RGL1: variants seen among roughly 807,000 people sequenced by gnomAD.
RGL1 encodes the protein ral guanine nucleotide dissociation stimulator-like 1.
A neutral mutation model predicts 95.2 loss-of-function variants in RGL1; 24 were observed. That is an observed-to-expected ratio of 0.25 (90% confidence interval 0.18 to 0.35). The LOEUF is 0.35. RGL1 is among the 10% of genes least tolerant of loss of function. The pLI is 1.00. For missense variants in RGL1, 715 were observed against 936.3 expected (o/e 0.76, Z 3.08); for synonymous variants, 329 against 344.9 (o/e 0.95, Z 0.51).
intron 2 of RGL1, among the ~76,000 whole-genome samples, chr1:183,766,087 T>G (rs934086212): frequency 2.1e-4 from 31 of 148,856 alleles, no homozygotes; most frequent in South Asian, 4.2e-4. Context: ...ATAATAATAA[T>G]AAAATTAAAA....
intron 1 of RGL1, among the ~76,000 whole-genome samples, chr1:183,657,364 T>C (rs1196130223): frequency 1.3e-5 from 2 of 152,216 alleles, no homozygotes; most frequent in Non-Finnish European, 2.9e-5. Flanking sequence ...TATGTATACA[T>C]GTGCCATGTT....
At chr1:183,823,038 G>A (rs1662596867) in intron 2 of RGL1, among the ~76,000 whole-genome samples, 1 of 152,098 alleles carries the variant, frequency 6.6e-6, no homozygotes, top group Admixed American at 6.5e-5. Context: ...TTCTCAAAAG[G>A]TAGTAAGTGA....
intron 2 of RGL1, among the ~76,000 whole-genome samples, chr1:183,811,447 A>G (rs901570239): frequency 3.3e-5 from 5 of 152,208 alleles, no homozygotes; most frequent in African/African-American, 9.7e-5. Flanking sequence ...TCATCTAGGA[A>G]AACAGGCCCT....
At chr1:183,776,059 A>G (rs1241768747) in intron 2 of RGL1, among the ~76,000 whole-genome samples, 1 of 151,982 alleles carries the variant, frequency 6.6e-6, no homozygotes, top group Non-Finnish European at 1.5e-5. Flanking sequence ...TAGGGAATTG[A>G]GTCATTCAGT....
chr1:183,713,259 C>T (rs998762726), intron 1 of RGL1, among the ~76,000 whole-genome samples: 2 of 151,448 alleles, frequency 1.3e-5, no homozygotes, highest in Non-Finnish European at 2.9e-5. Context: ...CTCCTGACCT[C>T]AGGTGATCCT....
chr1:183,651,998 G>A (rs759813665), intron 1 of RGL1, among the ~76,000 whole-genome samples: 1 of 152,168 alleles, frequency 6.6e-6, no homozygotes, highest in Non-Finnish European at 1.5e-5. Context: ...GTGGTACACC[G>A]GACATCCAGG....
chr1:183,879,773 T>C (rs892814351), intron 4 of RGL1, among the ~76,000 whole-genome samples: 3 of 152,216 alleles, frequency 2.0e-5, no homozygotes, highest in Non-Finnish European at 4.4e-5. Flanking sequence ...CATTTTATCC[T>C]TTTTATCCTT....
intron 2 of RGL1, among the ~76,000 whole-genome samples, chr1:183,839,870 C>G (rs577806511): frequency 1.3e-5 from 2 of 152,284 alleles, no homozygotes; most frequent in Admixed American, 1.3e-4. Flanking sequence ...CGGTAACTCT[C>G]CTATAACAAA....
At chr1:183,713,846 A>G (rs1250292744) in intron 1 of RGL1, among the ~76,000 whole-genome samples, 1 of 152,158 alleles carries the variant, frequency 6.6e-6, no homozygotes. Context: ...TATTTTGCAT[A>G]TTTTATTCAC....
chr1:183,783,826 T>G (rs1172519846), intron 2 of RGL1, among the ~76,000 whole-genome samples: 1 of 152,202 alleles, frequency 6.6e-6, no homozygotes, highest in African/African-American at 2.4e-5. Context: ...TTGTCATATT[T>G]TTGAATTTAA....
chr1:183,867,690 A>G (rs1055776397), intron 4 of RGL1, among the ~76,000 whole-genome samples: 2 of 152,046 alleles, frequency 1.3e-5, no homozygotes, highest in South Asian at 4.2e-4. Flanking sequence ...AGAATGTCCT[A>G]TGAGAAAACA....
chr1:183,866,878 G>C (rs950976807), intron 4 of RGL1, among the ~76,000 whole-genome samples: 1 of 152,102 alleles, frequency 6.6e-6, no homozygotes, highest in African/African-American at 2.4e-5. Context: ...TTGTGGTGCG[G>C]GCTGAAGCAA....
At chr1:183,841,032 A>G (rs1558241293) in intron 2 of RGL1, among the ~76,000 whole-genome samples, 1 of 152,092 alleles carries the variant, frequency 6.6e-6, no homozygotes, top group Admixed American at 6.5e-5. Context: ...CTCACATTTT[A>G]TTGTAATGGT....
At chr1:183,776,711 G>A (rs1374590502) in intron 2 of RGL1, among the ~76,000 whole-genome samples, 1 of 152,178 alleles carries the variant, frequency 6.6e-6, no homozygotes, top group Non-Finnish European at 1.5e-5. Context: ...GTTCAATATG[G>A]ATGGAGCATA....
chr1:183,653,877 T>C (rs1650950941), intron 1 of RGL1, among the ~76,000 whole-genome samples: 1 of 152,170 alleles, frequency 6.6e-6, no homozygotes, highest in Non-Finnish European at 1.5e-5. Flanking sequence ...TTCTTTTCCT[T>C]AGTCTCCCTT....
At chr1:183,666,573 G>A (rs1340657721) in intron 1 of RGL1, among the ~76,000 whole-genome samples, 5 of 151,394 alleles carry the variant, frequency 3.3e-5, no homozygotes, top group South Asian at 2.1e-4. Context: ...GGCTGGTCTC[G>A]GACTCCTGAA....
At chr1:183,742,807 C>G (rs1466245386) in intron 2 of RGL1, among the ~76,000 whole-genome samples, 1 of 151,818 alleles carries the variant, frequency 6.6e-6, no homozygotes, top group African/African-American at 2.4e-5. Flanking sequence ...TAAATTAAAG[C>G]TTTTATTTTT....
chr1:183,847,867 G>T, intron 3 of RGL1, 93 bp downstream of exon 3: 1 of 912,088 alleles, frequency 1.1e-6, no homozygotes, highest in Non-Finnish European at 1.7e-6. Context: ...TTGGTATTCG[G>T]AGAGAGATAT....
chr1:183,903,534 A>G (rs1572579827), intron 12 of RGL1, among the ~76,000 whole-genome samples: 1 of 152,158 alleles, frequency 6.6e-6, no homozygotes, highest in African/African-American at 2.4e-5. Context: ...TTCACATTCC[A>G]CAAATATTGA....
Sources: allele counts gnomAD v4.1 joint callset (sites outside exome capture counted in the v4.1 genomes callset), GRCh38; gene constraint gnomAD v4.1.1; transcripts MANE v1.5; gene names NCBI Gene and HGNC (gene_info 2026-07-23, HGNC 2026-07-21).